RUFY3: variants seen among roughly 807,000 people sequenced by gnomAD.
The protein encoded by RUFY3 is RUN and FYVE domain containing 3.
RUFY3 carries 34 observed loss-of-function variants against 84.0 expected under a neutral mutation model. The observed-to-expected ratio is 0.40, with a 90% CI of 0.31 to 0.54. The LOEUF (loss-of-function observed/expected upper bound fraction) is 0.54, where lower values mean the gene tolerates loss of function less well. Among genes scored for constraint, RUFY3 ranks in the 20% least tolerant of loss-of-function variants. The probability of loss-of-function intolerance (pLI) is 0.39; values close to 1 mark genes in which losing one functional copy is unlikely to be tolerated. For synonymous variants in RUFY3, 242 were observed against 252.9 expected, an observed-to-expected ratio of 0.96 and a Z score of 0.41; for missense variants, 507 against 736.8, an observed-to-expected ratio of 0.69 and a Z score of 3.61.
upstream of RUFY3, among the ~76,000 whole-genome samples, chr4:70,719,313 G>T (rs986663194): frequency 6.6e-6 from 1 of 152,196 alleles, no homozygotes; most frequent in Admixed American, 6.5e-5. Flanking sequence ...AGAGAGGCAG[G>T]GTGGGATGGA....
chr4:70,705,663 G>T lies in RUFY3; in HGVS notation c.358+369G>T, dbSNP rs180677066. 4.1e-4 allele frequency among the ~76,000 whole-genome samples: 62 copies of T among 152,226 alleles called. No individual in the cohort carries two copies. The East Asian group carries it at 0.01, about 25-fold the overall frequency. On this transcript the variant is annotated intron_variant, in intron 1 of 11. Transcript: ENST00000417478. Reference sequence around the variant, plus strand: ...ACCCGGGGCGCCCTGGCCCTGTCCCGGGTCCCGGGCTGGGAACCTTCCCCG... The same window carrying T: ...ACCCGGGGCGCCCTGGCCCTGTCCCTGGTCCCGGGCTGGGAACCTTCCCCG...
At chr4:70,799,967 G>A (rs1462166169) in intron 14 of RUFY3, 174 bp from the exon 15 acceptor site, 1 of 536,302 alleles carries the variant, frequency 1.9e-6, no homozygotes, top group Non-Finnish European at 3.3e-6. Context: ...GAATAATTAA[G>A]AAACTACTTA....
intron 9 of RUFY3, among the ~76,000 whole-genome samples, chr4:70,783,788 T>G (rs1729322974): frequency 6.6e-6 from 1 of 152,210 alleles, no homozygotes. Context: ...GCTATTGAAA[T>G]TGATAGAGCT....
At chr4:70,723,556 G>A (rs561943884) in intron 1 of RUFY3, among the ~76,000 whole-genome samples, 1 of 152,246 alleles carries the variant, frequency 6.6e-6, no homozygotes, top group South Asian at 2.1e-4. Flanking sequence ...TAATTTATGA[G>A]AGGTTTTCTG....
At chr4:70,723,675 T>A (rs1301528103) in intron 1 of RUFY3, among the ~76,000 whole-genome samples, 3 of 152,230 alleles carry the variant, frequency 2.0e-5, no homozygotes. Context: ...GTTTATTCTC[T>A]GTCCTTATAC....
rs748246737 is a variant in RUFY3 at position 70,793,890 on chromosome 4, G to C, written c.1443G>C (p.Glu481Asp). The C allele has an allele frequency of 6.2e-7, 1 of 1,613,988 alleles. No homozygotes were observed. The highest frequency in any genetic ancestry group is 1.1e-5 in the South Asian group (1 of 91,072). ...KINSLQLEVE[E>D]LTRQRNQLEL... ...ACAGTCTGCAGCTGGAAGTCGAGGA[G>C]CTCACCAGGCAGCGGTGAAGAGGGG... The change falls in exon 13 of 18, where the codon GAG (glutamate) becomes GAC (aspartate). Residue 481 changes from glutamate to aspartate, a missense_variant. Around this residue, in one of 4 missense-constraint regions of RUFY3, gnomAD observed 334 missense variants for 364.1 expected, o/e 0.92. Coordinates refer to ENST00000381006, the MANE Select transcript of RUFY3 (RefSeq NM_001037442.4).
At chr4:70,743,378 CATT>C (rs1469355012) in intron 1 of RUFY3, among the ~76,000 whole-genome samples, 1 of 152,000 alleles carries the variant, frequency 6.6e-6, no homozygotes, top group Admixed American at 6.6e-5. Flanking sequence ...GGCCTATTAT[CATT>C]ATTATTAATT....
intron 10 of RUFY3, among the ~76,000 whole-genome samples, chr4:70,786,254 G>A (rs1350324333): frequency 1.3e-5 from 2 of 152,078 alleles, no homozygotes; most frequent in African/African-American, 4.8e-5. Flanking sequence ...AGGAGGCAGG[G>A]GATAGTAAGA....
chr4:70,783,044 G>C lies in RUFY3; in HGVS notation c.895-47G>C. The C allele has an allele frequency of 1.7e-6, 2 of 1,163,594 alleles. 1 individual carries two copies. Among genetic ancestry groups the C allele is most frequent in the South Asian group, 2.8e-5 (2 of 71,644 alleles). The allele number at this position is 1,163,594 out of a possible 1,614,324, so 72.1% of individuals were successfully genotyped here. Reference sequence around the variant, plus strand: ...CAGATCGTGAATTATCTTATACTATGTTAATTTTAAAAAGATAAAAGATTA... The same window carrying C: ...CAGATCGTGAATTATCTTATACTATCTTAATTTTAAAAAGATAAAAGATTA... On this transcript the variant is annotated intron_variant, in intron 8 of 17. Transcript: ENST00000381006.
chr4:70,806,830 A>G lies in RUFY3; in HGVS notation c.*171A>G. 3.0e-6 allele frequency: 2 copies of G among 675,320 alleles called. No homozygotes were observed. The highest frequency in any genetic ancestry group is 4.8e-6 in the Non-Finnish European group (2 of 420,264). 41.8% of individuals were successfully genotyped at this position (675,320 alleles called of 1,614,324 possible). A position where few individuals can be genotyped will look rare whatever the true frequency, so the allele number is the denominator to read the frequency against. ...GTTGGGGTTACTGGAAATTTTGCTC[A>G]TTTTCTCTAATGACTGTATGAATAA... On this transcript the variant is annotated 3_prime_UTR_variant, in exon 18 of 18. Transcript: ENST00000381006.
intron 1 of RUFY3, among the ~76,000 whole-genome samples, chr4:70,726,090 A>G (rs1327685997): frequency 2.6e-5 from 4 of 152,196 alleles, no homozygotes; most frequent in African/African-American, 9.7e-5. Context: ...ACCCCTAACT[A>G]TAACTTTTAA....
chr4:70,765,287 T>G (rs1725701296), intron 4 of RUFY3, among the ~76,000 whole-genome samples: 2 of 151,536 alleles, frequency 1.3e-5, no homozygotes, highest in Non-Finnish European at 2.9e-5. Context: ...CAAAACAACA[T>G]TATTTTATCC....
chr4:70,767,257 G>GTT (rs1213309164), intron 4 of RUFY3, among the ~76,000 whole-genome samples: 7 of 68,934 alleles, frequency 1.0e-4, no homozygotes, highest in African/African-American at 3.4e-4. Flanking sequence ...GGCTAATTTT[G>GTT]TATTTTTTTT....
intron 1 of RUFY3, among the ~76,000 whole-genome samples, chr4:70,707,420 A>G (rs1363344855): frequency 6.6e-6 from 1 of 152,098 alleles, no homozygotes; most frequent in Admixed American, 6.6e-5. Flanking sequence ...CATTTTTAGT[A>G]TTTTTAGTAG....
chr4:70,746,671 T>C (rs1722285539), intron 1 of RUFY3, among the ~76,000 whole-genome samples: 1 of 152,130 alleles, frequency 6.6e-6, no homozygotes, highest in Non-Finnish European at 1.5e-5. Context: ...AAGTGACACA[T>C]ACAGAGGTTA....
chr4:70,806,435 G>A, intron 17 of RUFY3, 81 bp from the exon 18 acceptor site: 1 of 1,483,154 alleles, frequency 6.7e-7, no homozygotes, highest in Non-Finnish European at 9.3e-7. Flanking sequence ...TTGAGCATTT[G>A]CCATATTTGG....
chr4:70,767,770 C>G (rs984005531), intron 4 of RUFY3, among the ~76,000 whole-genome samples: 1 of 152,056 alleles, frequency 6.6e-6, no homozygotes, highest in Admixed American at 6.6e-5. Flanking sequence ...CCTCCGCCTC[C>G]TGTGTTCAAG....
At chr4:70,729,093 T>A (rs902477560) in intron 1 of RUFY3, among the ~76,000 whole-genome samples, 4 of 152,220 alleles carry the variant, frequency 2.6e-5, no homozygotes, top group Non-Finnish European at 5.9e-5. Flanking sequence ...GGGGTTGATT[T>A]GGCAATTCGT....
At chr4:70,740,592 C>T (rs1721177222) in intron 1 of RUFY3, among the ~76,000 whole-genome samples, 3 of 152,148 alleles carry the variant, frequency 2.0e-5, no homozygotes, top group African/African-American at 7.2e-5. Flanking sequence ...TGCAAGGTCA[C>T]AGCAAGTCTG....
Sources: allele counts gnomAD v4.1 joint callset (sites outside exome capture counted in the v4.1 genomes callset), GRCh38; gene constraint gnomAD v4.1.1; regional missense constraint gnomAD v4.1.1; transcripts MANE v1.5; gene names NCBI Gene and HGNC (gene_info 2026-07-23, HGNC 2026-07-21).